Variants in IMMP2L observed in about 807,000 individuals in gnomAD.
IMMP2L encodes the protein mitochondrial inner membrane protease subunit 2.
A neutral mutation model predicts 19.3 loss-of-function variants in IMMP2L; 18 were observed. The observed-to-expected ratio is 0.93, with a 90% CI of 0.64 to 1.38. The LOEUF (loss-of-function observed/expected upper bound fraction) is 1.38. Among genes scored for constraint, IMMP2L ranks in the 40% most tolerant of loss-of-function variants. The pLI is 0.00. For synonymous variants in IMMP2L, 76 were observed against 73.0 expected (o/e 1.04, Z -0.21); for missense variants, 233 against 218.2 (o/e 1.07, Z -0.43).
At chr7:111,193,149 TTTTG>T (rs1264343050) in intron 3 of IMMP2L, among the ~76,000 whole-genome samples, 3 of 152,168 alleles carry the variant, frequency 2.0e-5, no homozygotes, top group Admixed American at 1.3e-4. Flanking sequence ...GGATTTCCTC[TTTTG>T]TTTATTTCTC....
At chr7:110,981,412 C>T (rs1045892608) in intron 3 of IMMP2L, among the ~76,000 whole-genome samples, 3 of 151,682 alleles carry the variant, frequency 2.0e-5, no homozygotes, top group South Asian at 2.1e-4. Flanking sequence ...CATAGGAAAC[C>T]GTGCTAAAAC....
At chr7:110,756,070 T>C (rs1798022997) in intron 5 of IMMP2L, among the ~76,000 whole-genome samples, 1 of 152,070 alleles carries the variant, frequency 6.6e-6, no homozygotes, top group African/African-American at 2.4e-5. Flanking sequence ...AACAGCACAG[T>C]TAAAGGCAAG....
At chr7:110,808,648 C>T (rs779828308) in intron 5 of IMMP2L, among the ~76,000 whole-genome samples, 17 of 152,036 alleles carry the variant, frequency 1.1e-4, no homozygotes, top group Non-Finnish European at 1.9e-4. Context: ...TCACTGAATA[C>T]TAAACAGAAA....
At chr7:111,411,090 T>TAAA (rs536367628) in intron 3 of IMMP2L, among the ~76,000 whole-genome samples, 3 of 78,872 alleles carry the variant, frequency 3.8e-5, no homozygotes, top group African/African-American at 8.8e-5. Flanking sequence ...ATCAAATTGC[T>TAAA]AAAAAAAAAA....
intron 3 of IMMP2L, among the ~76,000 whole-genome samples, chr7:111,086,164 T>C (rs1447702462): frequency 6.6e-6 from 1 of 151,536 alleles, no homozygotes; most frequent in Non-Finnish European, 1.5e-5. Flanking sequence ...CTGTGGCTCA[T>C]GTCTGTAATC....
chr7:110,996,921 T>A (rs1485377200), intron 3 of IMMP2L, among the ~76,000 whole-genome samples: 1 of 152,100 alleles, frequency 6.6e-6, no homozygotes, highest in African/African-American at 2.4e-5. Flanking sequence ...TTGGTGTGCA[T>A]GCTGAGTTCC....
At chr7:111,101,406 TAA>T (rs1797960274) in intron 3 of IMMP2L, among the ~76,000 whole-genome samples, 1 of 151,518 alleles carries the variant, frequency 6.6e-6, no homozygotes, top group African/African-American at 2.4e-5. Flanking sequence ...TGGGTACTTT[TAA>T]TGTATGATCT....
chr7:110,849,102 C>T (rs1805950000), intron 5 of IMMP2L, among the ~76,000 whole-genome samples: 1 of 152,070 alleles, frequency 6.6e-6, no homozygotes, highest in Admixed American at 6.6e-5. Flanking sequence ...GTATGCTCAT[C>T]ATTGTAACAA....
chr7:110,716,034 C>T (rs1234583506), intron 5 of IMMP2L, among the ~76,000 whole-genome samples: 1 of 151,716 alleles, frequency 6.6e-6, no homozygotes, highest in African/African-American at 2.4e-5. Context: ...TTCCTTTTTT[C>T]CTGTTGTTCA....
chr7:111,388,893 A>G (rs1413984446), intron 3 of IMMP2L, among the ~76,000 whole-genome samples: 6 of 152,106 alleles, frequency 3.9e-5, no homozygotes, highest in African/African-American at 7.2e-5. Flanking sequence ...ATGTATGTAC[A>G]TGCATATATG....
At chr7:111,437,433 C>T (rs1160857249) in intron 3 of IMMP2L, among the ~76,000 whole-genome samples, 1 of 151,704 alleles carries the variant, frequency 6.6e-6, no homozygotes, top group Non-Finnish European at 1.5e-5. Flanking sequence ...GCAACAAGAG[C>T]GAAACTACAT....
At chr7:111,510,119 A>C (rs1279865252) in intron 2 of IMMP2L, among the ~76,000 whole-genome samples, 1 of 152,194 alleles carries the variant, frequency 6.6e-6, no homozygotes, top group African/African-American at 2.4e-5. Context: ...TACATGAAGA[A>C]AATAGAGCTT....
rs186945984 is a variant in IMMP2L at position 111,227,659 on chromosome 7, A to G, written c.239+259579T>C. 1.7e-3 allele frequency among the ~76,000 whole-genome samples: 256 copies of G among 152,264 alleles called. 1 individual carries two copies. The highest frequency in any genetic ancestry group is 6.8e-3 in the Middle Eastern group (2 of 294). On this transcript the variant is annotated intron_variant, in intron 3 of 5. Coordinates refer to ENST00000405709, the MANE Select transcript of IMMP2L (RefSeq NM_032549.4). ...TAATAAAGCTACTCCCATACTCTGC[A>G]TAAGCCAGAAATAAACCACTCCTAA...
intron 2 of IMMP2L, among the ~76,000 whole-genome samples, chr7:111,488,718 T>A (rs183637353): frequency 6.6e-6 from 1 of 152,156 alleles, no homozygotes; most frequent in Non-Finnish European, 1.5e-5. Flanking sequence ...AGATACCTAG[T>A]ATTGCTAGGG....
chr7:111,285,354 T>G (rs1427926429), intron 3 of IMMP2L, among the ~76,000 whole-genome samples: 1 of 152,132 alleles, frequency 6.6e-6, no homozygotes, highest in East Asian at 1.9e-4. Context: ...TAGCAATGTT[T>G]CCTTGGGAAA....
At position 110,728,225 on chromosome 7, in the gene IMMP2L, G is replaced by A. The variant is rs1353297693; in HGVS notation, c.409-64504C>T. ...TTAATAATCTTAAAGGCGACTGGGA[G>A]TGGTGGTTCACGCCTGTAATCCCAG... On this transcript the variant is annotated intron_variant, in intron 5 of 5. Coordinates refer to ENST00000405709, the MANE Select transcript of IMMP2L (RefSeq NM_032549.4). This position sits in a 1 kb window ranked among gnomAD's most constrained non-coding sequence, Gnocchi z 4.6. Among the ~76,000 whole-genome samples, 2 of 152,180 alleles carry A rather than the reference G, an allele frequency of 1.3e-5. No individual in the cohort carries two copies. Among genetic ancestry groups the A allele is most frequent in the Non-Finnish European group, 2.9e-5 (2 of 68,036 alleles).
chr7:111,149,940 C>T (rs1441020589), intron 3 of IMMP2L, among the ~76,000 whole-genome samples: 2 of 152,096 alleles, frequency 1.3e-5, no homozygotes, highest in African/African-American at 4.8e-5. Flanking sequence ...TTCTTATACC[C>T]CGTGAAGTAA....
chr7:110,817,393 T>A (rs1369901460), intron 5 of IMMP2L, among the ~76,000 whole-genome samples: 1 of 151,908 alleles, frequency 6.6e-6, no homozygotes, highest in African/African-American at 2.4e-5. Flanking sequence ...TACCTAGGAA[T>A]CCAACTTACA....
chr7:110,933,835 T>C, intron 4 of IMMP2L, among the ~76,000 whole-genome samples: 1 of 152,086 alleles, frequency 6.6e-6, no homozygotes, highest in East Asian at 1.9e-4. Context: ...AGAAAGACAA[T>C]AAAAAATGGA....
Sources: allele counts gnomAD v4.1 joint callset (sites outside exome capture counted in the v4.1 genomes callset), GRCh38; gene constraint gnomAD v4.1.1; non-coding constraint Gnocchi (gnomAD v3.1); transcripts MANE v1.5; gene names NCBI Gene and HGNC (gene_info 2026-07-23, HGNC 2026-07-21).